The following MCUR1 variants were observed in gnomAD, a reference collection of about 807,000 sequenced individuals.
The protein encoded by MCUR1 is MCU regulator 1.
Under a neutral mutation model 42.0 loss-of-function variants are expected in MCUR1, and 37 were observed. That is an observed-to-expected ratio of 0.88 (90% CI 0.68 to 1.16). The LOEUF (loss-of-function observed/expected upper bound fraction) is 1.16. Among genes scored for constraint, MCUR1 ranks in the 50% most tolerant of loss-of-function variants. The pLI, the probability that MCUR1 is intolerant of heterozygous loss-of-function variation, is 0.00. For missense variants in MCUR1, 469 were observed against 468.4 expected (o/e 1.00, Z -0.01); for synonymous variants, 229 against 196.2 (o/e 1.17, Z -1.40).
Position 13,814,475 on chromosome 6 carries a change from T to C in MCUR1, c.-46A>G, listed in dbSNP as rs570051226. The C allele has an allele frequency of 3.1e-5, 45 of 1,434,100 alleles. No homozygotes were observed. Among genetic ancestry groups the C allele is most frequent in the Middle Eastern group, 5.0e-4 (2 of 3,986 alleles). 88.8% of individuals were successfully genotyped at this position (1,434,100 alleles called of 1,614,324 possible). ...CGGGCGCGCGCTCATGCCTCTCGCT[T>C]TTGGCGCCGGCCACGCGCGGTCCAG... On this transcript the variant is annotated 5_prime_UTR_variant, in exon 1 of 9. Transcript: ENST00000379170.
rs971365583 is a variant in MCUR1 at position 13,798,892 on chromosome 6, T to G, written c.796A>C (p.Lys266Gln). The G allele has an allele frequency of 1.2e-6, 2 of 1,600,254 alleles. No individual in the cohort carries two copies. The highest frequency in any genetic ancestry group is 1.3e-5 in the African/African-American group (1 of 74,626). The change falls in exon 6 of 9, where the codon AAA becomes CAA. Residue 266 changes from lysine to glutamine, a missense_variant. By Grantham distance (53) the Lys-to-Gln change is moderately conservative (BLOSUM62 1). Coordinates refer to ENST00000379170, the MANE Select transcript of MCUR1 (RefSeq NM_001031713.4). ...TCTAATTTGGTATCTGTTCGGACTT[T>G]GATCACTTCATCCTAAAAGGAGGGC... ...LKQQVMDEVI[K>Q]VRTDTKLDFN...
chr6:13,795,163 C>CA (rs1759828460), intron 6 of MCUR1, among the ~76,000 whole-genome samples: 1 of 148,802 alleles, frequency 6.7e-6, no homozygotes. Flanking sequence ...GAAACAAAAA[C>CA]AAAAACAAAA....
intron 6 of MCUR1, among the ~76,000 whole-genome samples, chr6:13,798,070 C>T (rs1345512989): frequency 6.6e-6 from 1 of 151,994 alleles, no homozygotes; most frequent in Non-Finnish European, 1.5e-5. Context: ...CACAACTTCT[C>T]ACTGCACTTA....
intron 7 of MCUR1, among the ~76,000 whole-genome samples, chr6:13,793,625 G>A (rs561661474): frequency 4.6e-5 from 7 of 152,184 alleles, no homozygotes; most frequent in Non-Finnish European, 8.8e-5. Context: ...AAAGGGTGCA[G>A]AGTTTCAATT....
In MCUR1 at chr6:13,790,469, T is replaced by G. The variant is rs1370880676; in HGVS notation, c.*340A>C. 6.5e-6 allele frequency: 1 copy of G among 154,460 alleles called. No homozygotes were observed. Among genetic ancestry groups the G allele is most frequent in the Non-Finnish European group, 1.4e-5 (1 of 69,592 alleles). 9.6% of individuals were successfully genotyped at this position (154,460 alleles called of 1,614,324 possible). A position where few individuals can be genotyped will look rare whatever the true frequency, so the allele number is the denominator to read the frequency against. On this transcript the variant is annotated 3_prime_UTR_variant, in exon 9 of 9. Transcript: ENST00000379170. ...GACAACAATCTGGTATTCCGGTTTT[T>G]TTTTTTTTTTTGAGACGGAGTCTCG...
At chr6:13,796,535 C>T (rs947145590) in intron 6 of MCUR1, among the ~76,000 whole-genome samples, 3 of 152,134 alleles carry the variant, frequency 2.0e-5, no homozygotes, top group African/African-American at 7.2e-5. Context: ...ATCCACCCAC[C>T]TTGACCTCCC....
At chr6:13,795,448 CT>C (rs1322851487) in intron 6 of MCUR1, among the ~76,000 whole-genome samples, 1 of 152,204 alleles carries the variant, frequency 6.6e-6, no homozygotes, top group Non-Finnish European at 1.5e-5. Context: ...TGCCATACTG[CT>C]TTTGGAACTG....
Position 13,790,652 on chromosome 6 carries a change from C to T in MCUR1, c.*157G>A, listed in dbSNP as rs773658619. Reference sequence around the variant, plus strand: ...TTTTTTAGTAGAGACGGGGTTTCACCGTGTTGGCCAGGCTGGTCTCGAACT... The same window carrying T: ...TTTTTTAGTAGAGACGGGGTTTCACTGTGTTGGCCAGGCTGGTCTCGAACT... On this transcript the variant is annotated 3_prime_UTR_variant, in exon 9 of 9. Coordinates refer to ENST00000379170, the MANE Select transcript of MCUR1 (RefSeq NM_001031713.4). 22 of 464,766 alleles carry T rather than the reference C, an allele frequency of 4.7e-5. 1 individual carries two copies. Among genetic ancestry groups the T allele is most frequent in the Non-Finnish European group, 6.0e-5 (15 of 249,634 alleles). The allele number at this position is 464,766 out of a possible 1,614,324, so 28.8% of individuals were successfully genotyped here.
chr6:13,806,847 A>C, intron 2 of MCUR1, 78 bp downstream of exon 2: 16 of 1,417,868 alleles, frequency 1.1e-5, no homozygotes, highest in Non-Finnish European at 1.4e-5. Context: ...GAACATGAGA[A>C]ATTAAATGAA....
chr6:13,812,805 G>A (rs529618598), intron 1 of MCUR1, among the ~76,000 whole-genome samples: 3 of 152,202 alleles, frequency 2.0e-5, no homozygotes, highest in Non-Finnish European at 4.4e-5. Flanking sequence ...ACTGCCCAAA[G>A]TGATAATTTT....
At chr6:13,798,281 C>T (rs945848739) in intron 6 of MCUR1, among the ~76,000 whole-genome samples, 1 of 151,656 alleles carries the variant, frequency 6.6e-6, no homozygotes, top group Non-Finnish European at 1.5e-5. Flanking sequence ...ATTTTTAGTA[C>T]AGACAGGGTT....
chr6:13,800,749 T>C (rs750122188), intron 4 of MCUR1, among the ~76,000 whole-genome samples: 3 of 152,234 alleles, frequency 2.0e-5, no homozygotes, highest in Admixed American at 2.0e-4. Context: ...CTTACAAGGC[T>C]AGGGTCAACA....
In MCUR1 at chr6:13,814,288, C is replaced by T. The variant is rs962598053; in HGVS notation, c.142G>A (p.Gly48Ser). The change falls in exon 1 of 9, where the codon GGT becomes AGT. Residue 48 changes from glycine (G) to serine (S), a missense_variant. Coordinates refer to ENST00000379170, the MANE Select transcript of MCUR1 (RefSeq NM_001031713.4). The part of the protein sequence containing the change: ...ARRCLSALSD[G>S]LGALRPRAPA... ...GCGCGAGGGCGCAGCGCCCCCAGACCGTCGGAGAGCGCAGAGAGGCAGCGG... is the reference window on the plus strand; with the variant it reads ...GCGCGAGGGCGCAGCGCCCCCAGACTGTCGGAGAGCGCAGAGAGGCAGCGG... 4.0e-6 allele frequency: 6 copies of T among 1,497,506 alleles called. No homozygotes were observed. The African/African-American group carries it at 4.4e-5, about 11-fold the overall frequency. 92.8% of individuals were successfully genotyped at this position (1,497,506 alleles called of 1,614,324 possible).
intron 4 of MCUR1, among the ~76,000 whole-genome samples, chr6:13,800,914 A>G (rs1298033452): frequency 3.9e-5 from 6 of 152,226 alleles, no homozygotes; most frequent in Non-Finnish European, 8.8e-5. Context: ...AAATAACCAA[A>G]AACTGGAAAC....
In MCUR1 at chr6:13,814,227, G is replaced by A. The variant is rs1166837448; in HGVS notation, c.203C>T (p.Pro68Leu). The change falls in exon 1 of 9, where the codon CCG (proline) becomes CTG (leucine). Residue 68 changes from proline to leucine, a missense_variant. Coordinates refer to ENST00000379170, the MANE Select transcript of MCUR1 (RefSeq NM_001031713.4). ...AARGGVSRAS[P>L]LLLLLLVPSP... ...GGGCACTAGCAGGAGGAGGAGCAGC[G>A]GTGAGGCACGTGACACGCCGCCGCG... is the stretch of plus-strand genomic sequence containing the variant. 4 of 1,464,998 alleles carry A rather than the reference G, an allele frequency of 2.7e-6. No homozygotes were observed. The highest frequency in any genetic ancestry group is 1.5e-5 in the African/African-American group (1 of 67,918). The allele number at this position is 1,464,998 out of a possible 1,614,324, so 90.7% of individuals were successfully genotyped here.
Position 13,798,089 on chromosome 6 carries a change from C to T in MCUR1, c.855+744G>A, listed in dbSNP as rs572976915. Among the ~76,000 whole-genome samples the T allele has an allele frequency of 3.3e-4, 50 of 151,992 alleles. No homozygotes were observed. The South Asian group carries it at 4.8e-3, about 15-fold the overall frequency. ...ACTTCTCACTGCACTTAAAAGACAACATAGAAATTTTCTTTTTTTTTTTGA... is the reference window on the plus strand; with the variant it reads ...ACTTCTCACTGCACTTAAAAGACAATATAGAAATTTTCTTTTTTTTTTTGA... On this transcript the variant is annotated intron_variant, in intron 6 of 8. Transcript: ENST00000379170.
chr6:13,804,813 A>C (rs1760080933), intron 2 of MCUR1, among the ~76,000 whole-genome samples: 1 of 151,244 alleles, frequency 6.6e-6, no homozygotes, highest in South Asian at 2.1e-4. Context: ...AAAAAAAAAA[A>C]AGTGGAAGTC....
intron 5 of MCUR1, among the ~76,000 whole-genome samples, 196 bp downstream of exon 5, chr6:13,800,145 G>T (rs568837910): frequency 2.6e-4 from 39 of 152,142 alleles, no homozygotes; most frequent in African/African-American, 9.2e-4. Context: ...TTTTCTTAAT[G>T]AATATGGTTA....
intron 3 of MCUR1, 94 bp from the exon 4 acceptor site, chr6:13,801,483 G>C: frequency 1.2e-6 from 1 of 804,426 alleles, no homozygotes; most frequent in South Asian, 1.6e-5. Flanking sequence ...GAGAAACCAG[G>C]ACAATGTGGA....
Sources: allele counts gnomAD v4.1 joint callset (sites outside exome capture counted in the v4.1 genomes callset), GRCh38; gene constraint gnomAD v4.1.1; transcripts MANE v1.5; gene names NCBI Gene and HGNC (gene_info 2026-07-23, HGNC 2026-07-21).